Variants in ZAR1L observed in about 807,000 individuals in gnomAD.
The protein encoded by ZAR1L is protein ZAR1-like.
ZAR1L carries 16 observed loss-of-function variants against 30.0 expected under a neutral mutation model. That is an observed-to-expected ratio of 0.53 (90% CI 0.36 to 0.81). ZAR1L has a LOEUF of 0.81. Ranked by LOEUF, ZAR1L falls within the 30% of genes least tolerant of loss-of-function variation. ZAR1L has a pLI of 0.00. For missense variants in ZAR1L, 392 were observed against 417.2 expected, an observed-to-expected ratio of 0.94 and a Z score of 0.53; for synonymous variants, 197 against 166.8, an observed-to-expected ratio of 1.18 and a Z score of -1.40.
chr13:32,309,512 T>G (rs1251567994), intron 4 of ZAR1L, among the ~76,000 whole-genome samples: 1 of 152,224 alleles, frequency 6.6e-6, no homozygotes, highest in Non-Finnish European at 1.5e-5. Flanking sequence ...TTGTGCAATT[T>G]CCTGTGCACA....
In ZAR1L at chr13:32,311,971, T is replaced by C. The variant is rs1485587116; in HGVS notation, c.-46A>G. 6.8e-7 allele frequency: 1 copy of C among 1,479,546 alleles called. No homozygotes were observed. Among genetic ancestry groups the C allele is most frequent in the African/African-American group, 1.4e-5 (1 of 70,970 alleles). The allele number at this position is 1,479,546 out of a possible 1,614,324, so 91.7% of individuals were successfully genotyped here. ...GCAGTCTAATATCCTAGCCAGTTTG[T>C]TTGGGTCCTTATTTTGCCTTCCTCC... On this transcript the variant is annotated 5_prime_UTR_variant, in exon 3 of 6. Transcript: ENST00000533490.
rs1288059282 is a variant in ZAR1L, at chr13:32,312,111, G to GCT, written c.-168-20_-168-19dup. 15 of 704,808 alleles carry GCT rather than the reference G, an allele frequency of 2.1e-5. No homozygotes were observed. The African/African-American group carries it at 2.7e-4, about 13-fold the overall frequency. 43.7% of individuals were successfully genotyped at this position (704,808 alleles called of 1,614,324 possible). Reference sequence around the variant, plus strand: ...TTATTACCCTGATTGAGGGAGAGAAGCTCTATCTACAGATGTCTAATTGCC... The same window carrying GCT: ...TTATTACCCTGATTGAGGGAGAGAAGCTCTCTATCTACAGATGTCTAATTGCC... On this transcript the variant is annotated intron_variant, in intron 2 of 5. Coordinates refer to ENST00000533490, the MANE Select transcript of ZAR1L (RefSeq NM_001136571.2).
chr13:32,311,624 T>C lies in ZAR1L; in HGVS notation c.302A>G (p.Lys101Arg). 1 of 1,550,998 alleles carries C rather than the reference T, an allele frequency of 6.4e-7. No homozygotes were observed. Among genetic ancestry groups the C allele is most frequent in the Non-Finnish European group, 8.7e-7 (1 of 1,146,928 alleles). The part of the protein sequence containing the change: ...VGVQVSPRVD[K>R]AVQCSLGPRT... ...AGGCCCCAGAGAGCACTGCACAGCCTTGTCCACCCGCGGGCTCACCTGCAC... is the reference window on the plus strand; with the variant it reads ...AGGCCCCAGAGAGCACTGCACAGCCCTGTCCACCCGCGGGCTCACCTGCAC... Residue 101 changes from lysine (K) to arginine (R), a missense_variant, in exon 3 of 6, where the codon AAG (lysine) becomes AGG (arginine). Lys to Arg is a conservative substitution (Grantham distance 26, BLOSUM62 2). Transcript: ENST00000533490.
At chr13:32,305,399 T>C (rs899655499) in intron 5 of ZAR1L, among the ~76,000 whole-genome samples, 3 of 151,774 alleles carry the variant, frequency 2.0e-5, no homozygotes, top group African/African-American at 7.3e-5. Flanking sequence ...GCTAATTTTT[T>C]GTATTTTTAG....
At chr13:32,312,287 TG>T (rs1242132429) in intron 2 of ZAR1L, among the ~76,000 whole-genome samples, 194 bp from the exon 3 acceptor site, 3 of 152,228 alleles carry the variant, frequency 2.0e-5, no homozygotes, top group African/African-American at 7.2e-5. Flanking sequence ...AAAGATCCTT[TG>T]TAAGGTAATG....
chr13:32,310,397 G>T (rs1486507089), intron 4 of ZAR1L, among the ~76,000 whole-genome samples: 1 of 152,198 alleles, frequency 6.6e-6, no homozygotes, highest in Non-Finnish European at 1.5e-5. Context: ...AAGAACAAAA[G>T]TTCATCTAAG....
In ZAR1L at chr13:32,311,385, G is replaced by A; in HGVS notation, c.541C>T (p.Pro181Ser). The part of the protein sequence containing the change: ...RRSGADRQEE[P>S]GQLEESGEKD... Reference sequence around the variant, plus strand: ...TCCCCCGATTCCTCCAGCTGCCCGGGCTCCTCCTGCCTGTCAGCTCCTGAC... The same window carrying A: ...TCCCCCGATTCCTCCAGCTGCCCGGACTCCTCCTGCCTGTCAGCTCCTGAC... Residue 181 changes from proline (P) to serine (S), a missense_variant, in exon 3 of 6, where the codon CCC becomes TCC. Physicochemically the swap from Pro to Ser is moderately conservative, Grantham distance 74. Coordinates refer to ENST00000533490, the MANE Select transcript of ZAR1L (RefSeq NM_001136571.2). The A allele has an allele frequency of 6.4e-7, 1 of 1,550,642 alleles. No homozygotes were observed. Among genetic ancestry groups the A allele is most frequent in the Non-Finnish European group, 8.7e-7 (1 of 1,146,954 alleles).
rs1406569035 is a variant in ZAR1L, at chr13:32,311,661, T to A, written c.265A>T (p.Lys89Ter). ...GGGCTCACCTGCACGCCCACCTCCTTGGTGTTGGGCTTGCACAGCCGCGGG... is the reference window on the plus strand; with the variant it reads ...GGGCTCACCTGCACGCCCACCTCCTAGGTGTTGGGCTTGCACAGCCGCGGG... ...LSPRLCKPNT[K>*]EVGVQVSPRV... Residue 89 changes from lysine to a stop codon, truncating the protein, a stop_gained, in exon 3 of 6, where the codon AAG becomes TAG. Transcript: ENST00000533490. LOFTEE classifies it high-confidence loss of function. 6.4e-7 allele frequency: 1 copy of A among 1,551,330 alleles called. No individual in the cohort carries two copies. The highest frequency in any genetic ancestry group is 2.4e-5 in the East Asian group (1 of 40,912).
At chr13:32,309,093 C>T (rs367895466) in intron 4 of ZAR1L, among the ~76,000 whole-genome samples, 3 of 151,412 alleles carry the variant, frequency 2.0e-5, no homozygotes, top group East Asian at 3.9e-4. Flanking sequence ...TGGGTTCAAG[C>T]GATTCTCCTG....
chr13:32,311,622 C>T lies in ZAR1L; in HGVS notation c.304G>A (p.Ala102Thr), dbSNP rs1212720574. The change falls in exon 3 of 6, where the codon GCT becomes ACT. Residue 102 changes from alanine to threonine, a missense_variant. Coordinates refer to ENST00000533490, the MANE Select transcript of ZAR1L (RefSeq NM_001136571.2). ...GVQVSPRVDKAVQCSLGPRTL... is the reference protein window; with the variant it reads ...GVQVSPRVDKTVQCSLGPRTL... ...CGAGGCCCCAGAGAGCACTGCACAG[C>T]CTTGTCCACCCGCGGGCTCACCTGC... 3.2e-6 allele frequency: 5 copies of T among 1,550,752 alleles called. No individual in the cohort carries two copies. Among genetic ancestry groups the T allele is most frequent in the East Asian group, 2.4e-5 (1 of 40,930 alleles).
At chr13:32,310,397 G>A (rs1486507089) in intron 4 of ZAR1L, among the ~76,000 whole-genome samples, 3 of 152,316 alleles carry the variant, frequency 2.0e-5, no homozygotes, top group Admixed American at 6.5e-5. Context: ...AAGAACAAAA[G>A]TTCATCTAAG....
At chr13:32,305,508 G>A (rs1371658808) in intron 5 of ZAR1L, among the ~76,000 whole-genome samples, 1 of 152,210 alleles carries the variant, frequency 6.6e-6, no homozygotes, top group African/African-American at 2.4e-5. Context: ...TTACAGGCGT[G>A]AGCCACTGCA....
intron 5 of ZAR1L, among the ~76,000 whole-genome samples, chr13:32,304,253 C>CA (rs1198466126): frequency 6.6e-6 from 1 of 152,108 alleles, no homozygotes; most frequent in Non-Finnish European, 1.5e-5. Flanking sequence ...ACTGCAGAGC[C>CA]AATCAAGACA....
At chr13:32,314,827 G>C (rs1425449918) in intron 1 of ZAR1L, among the ~76,000 whole-genome samples, 1 of 152,088 alleles carries the variant, frequency 6.6e-6, no homozygotes. Flanking sequence ...ACACCAGCCC[G>C]GGCCACAAGA....
intron 5 of ZAR1L, among the ~76,000 whole-genome samples, chr13:32,304,366 AAAT>A (rs2072159100): frequency 6.6e-6 from 1 of 152,236 alleles, no homozygotes; most frequent in Non-Finnish European, 1.5e-5. Flanking sequence ...TAAGAGAAAA[AAAT>A]AAGTCAAGAG....
chr13:32,309,207 G>C (rs2072196660), intron 4 of ZAR1L, among the ~76,000 whole-genome samples: 1 of 151,952 alleles, frequency 6.6e-6, no homozygotes, highest in African/African-American at 2.4e-5. Context: ...GACCAGGCTG[G>C]TCTCAAACTC....
intron 5 of ZAR1L, among the ~76,000 whole-genome samples, chr13:32,307,134 G>A (rs1161124376): frequency 6.6e-6 from 1 of 151,846 alleles, no homozygotes; most frequent in Admixed American, 6.6e-5. Context: ...TTAAATATAG[G>A]TAAAATAAGT....
chr13:32,309,365 T>C (rs545297567), intron 4 of ZAR1L, among the ~76,000 whole-genome samples: 1 of 152,320 alleles, frequency 6.6e-6, no homozygotes, highest in African/African-American at 2.4e-5. Flanking sequence ...AGTACCACAG[T>C]AGATACTCAA....
At chr13:32,306,084 A>G (rs2072172519) in intron 5 of ZAR1L, among the ~76,000 whole-genome samples, 1 of 152,260 alleles carries the variant, frequency 6.6e-6, no homozygotes, top group African/African-American at 2.4e-5. Context: ...AAAATTCTAG[A>G]ACAGAAAAAT....
Sources: gnomAD v4.1 joint callset for allele counts (sites outside exome capture counted in the v4.1 genomes callset) on GRCh38, gnomAD v4.1.1 for gene constraint, MANE v1.5 for transcripts, NCBI Gene and HGNC (gene_info 2026-07-23, HGNC 2026-07-21) for gene names.